Variants in ASIC2 observed in about 807,000 individuals in gnomAD.
ASIC2 encodes acid-sensing ion channel 2.
ASIC2 carries 25 observed loss-of-function variants against 57.3 expected under a neutral mutation model. That is an observed-to-expected ratio of 0.44 (90% confidence interval 0.32 to 0.61). The LOEUF (loss-of-function observed/expected upper bound fraction) is 0.61. Ranked by LOEUF, ASIC2 falls within the 20% of genes least tolerant of loss-of-function variation. ASIC2 has a pLI of 0.06. For synonymous variants in ASIC2, 319 were observed against 307.5 expected (o/e 1.04, Z -0.39); for missense variants, 641 against 738.1 (o/e 0.87, Z 1.52).
At chr17:33,961,296 T>C (rs954460845) in intron 1 of ASIC2, among the ~76,000 whole-genome samples, 4 of 152,190 alleles carry the variant, frequency 2.6e-5, no homozygotes, top group African/African-American at 9.7e-5. Flanking sequence ...GTTATGCTGC[T>C]TATGTAGGAC....
chr17:33,769,457 A>G (rs573653880), intron 1 of ASIC2, among the ~76,000 whole-genome samples: 21 of 152,330 alleles, frequency 1.4e-4, no homozygotes, highest in African/African-American at 4.6e-4. Context: ...AGTCCAGCAA[A>G]GGGGCCGAGA....
chr17:33,154,559 C>T (rs2142033042), intron 1 of ASIC2, among the ~76,000 whole-genome samples: 1 of 152,252 alleles, frequency 6.6e-6, no homozygotes, highest in East Asian at 1.9e-4. Flanking sequence ...AGAAACTTTT[C>T]CCAGGCCACA....
chr17:33,724,471 T>C (rs1249065342), intron 1 of ASIC2, among the ~76,000 whole-genome samples: 1 of 151,948 alleles, frequency 6.6e-6, no homozygotes, highest in African/African-American at 2.4e-5. Context: ...GTAGATCGGG[T>C]AAAGGGTGTA....
chr17:33,015,437 C>T (rs9894146), intron 9 of ASIC2, among the ~76,000 whole-genome samples: 3,649 of 152,274 alleles, frequency 0.024, 144 homozygotes, highest in African/African-American at 0.081. Flanking sequence ...AGCTGTGGGA[C>T]TTTGGTCTCT....
At chr17:33,620,389 G>A (rs971680857) in intron 1 of ASIC2, among the ~76,000 whole-genome samples, 5 of 152,054 alleles carry the variant, frequency 3.3e-5, no homozygotes, top group African/African-American at 9.7e-5. Flanking sequence ...TCAGCAATTC[G>A]TTTTTAAATT....
intron 1 of ASIC2, among the ~76,000 whole-genome samples, chr17:33,956,312 G>T (rs1904733554): frequency 6.6e-6 from 1 of 152,214 alleles, no homozygotes; most frequent in African/African-American, 2.4e-5. Context: ...ACCTGAGAGA[G>T]GCTGTAGCAA....
chr17:33,829,855 G>A (rs954222231), intron 1 of ASIC2, among the ~76,000 whole-genome samples: 3 of 152,064 alleles, frequency 2.0e-5, no homozygotes, highest in South Asian at 2.1e-4. Flanking sequence ...GAGCCACCGC[G>A]CCCACCCTAT....
intron 1 of ASIC2, among the ~76,000 whole-genome samples, chr17:33,853,335 C>A (rs1175242279): frequency 6.6e-6 from 1 of 152,168 alleles, no homozygotes; most frequent in Non-Finnish European, 1.5e-5. Flanking sequence ...AGGGCTCACC[C>A]GGCCTGGCAG....
intron 1 of ASIC2, among the ~76,000 whole-genome samples, chr17:34,117,236 A>G (rs1252617023): frequency 6.6e-6 from 1 of 152,188 alleles, no homozygotes; most frequent in Non-Finnish European, 1.5e-5. Context: ...ATAAGGTCTT[A>G]TCTCTGGTGG....
chr17:33,160,026 T>C (rs769120802), intron 1 of ASIC2, among the ~76,000 whole-genome samples: 9 of 151,816 alleles, frequency 5.9e-5, no homozygotes, highest in Admixed American at 2.0e-4. Flanking sequence ...CTGGGCAACA[T>C]GGCGAAACTT....
intron 1 of ASIC2, among the ~76,000 whole-genome samples, chr17:33,407,033 C>T: frequency 6.6e-6 from 1 of 152,168 alleles, no homozygotes; most frequent in East Asian, 1.9e-4. Context: ...CTAGAGCTAC[C>T]ATTTTCTAGC....
At chr17:33,095,159 C>A (rs1598272259) in intron 2 of ASIC2, among the ~76,000 whole-genome samples, 1 of 152,164 alleles carries the variant, frequency 6.6e-6, no homozygotes, top group South Asian at 2.1e-4. Context: ...CCATCATCAC[C>A]ATGAATTCAG....
intron 1 of ASIC2, among the ~76,000 whole-genome samples, chr17:33,238,256 T>C (rs1908371980): frequency 6.6e-6 from 1 of 152,208 alleles, no homozygotes; most frequent in Admixed American, 6.5e-5. Flanking sequence ...ACGACGGCAC[T>C]GCAAGATTTT....
chr17:33,582,643 C>A (rs1400865546), intron 1 of ASIC2, among the ~76,000 whole-genome samples: 1 of 152,110 alleles, frequency 6.6e-6, no homozygotes, highest in Non-Finnish European at 1.5e-5. Flanking sequence ...CAGTGGCTTG[C>A]CATAGTAAAT....
chr17:33,893,268 T>C (rs947616104), intron 1 of ASIC2, among the ~76,000 whole-genome samples: 1 of 152,160 alleles, frequency 6.6e-6, no homozygotes, highest in Admixed American at 6.5e-5. Context: ...GTAAATTAAC[T>C]GTGCTGCCAC....
intron 1 of ASIC2, among the ~76,000 whole-genome samples, chr17:33,181,959 G>A (rs1193489083): frequency 6.6e-6 from 1 of 152,210 alleles, no homozygotes; most frequent in Non-Finnish European, 1.5e-5. Context: ...GCCAGATCGT[G>A]TAGAACCCTG....
At chr17:33,789,661 T>C (rs1944324624) in intron 1 of ASIC2, among the ~76,000 whole-genome samples, 2 of 128,672 alleles carry the variant, frequency 1.6e-5, no homozygotes, top group African/African-American at 5.5e-5. Flanking sequence ...ACTTCTCTTC[T>C]GTCATAATTT....
intron 1 of ASIC2, among the ~76,000 whole-genome samples, chr17:34,137,649 A>G (rs1408325313): frequency 1.3e-5 from 2 of 152,156 alleles, no homozygotes; most frequent in African/African-American, 4.8e-5. Flanking sequence ...CTATAATAGA[A>G]CACTATAAAT....
chr17:33,882,081 C>T (rs1187792604), intron 1 of ASIC2, among the ~76,000 whole-genome samples: 4 of 152,146 alleles, frequency 2.6e-5, no homozygotes, highest in Non-Finnish European at 4.4e-5. Flanking sequence ...AACTGGATCC[C>T]TTCCTTACAC....
Sources: allele counts gnomAD v4.1 joint callset (sites outside exome capture counted in the v4.1 genomes callset), GRCh38; gene constraint gnomAD v4.1.1; transcripts MANE v1.5; gene names NCBI Gene and HGNC (gene_info 2026-07-23, HGNC 2026-07-21).